Variants in SLC25A51 observed in about 807,000 individuals in gnomAD.
SLC25A51 encodes the protein solute carrier family 25 member 51, also known as mitochondrial nicotinamide adenine dinucleotide transporter SLC25A51.
A neutral mutation model predicts 19.1 loss-of-function variants in SLC25A51; 11 were observed. The ratio of observed to expected loss-of-function variants is 0.58; its 90% CI spans 0.36 to 0.96. The LOEUF (loss-of-function observed/expected upper bound fraction) is 0.96. SLC25A51 is among the 40% of genes least tolerant of loss of function. SLC25A51 has a pLI of 0.01. For synonymous variants in SLC25A51, 105 were observed against 133.6 expected (o/e 0.79, Z 1.47); for missense variants, 201 against 365.4 (o/e 0.55, Z 3.67).
At chr9:37,892,567 A>T (rs185057744) in intron 2 of SLC25A51, among the ~76,000 whole-genome samples, 24 of 151,660 alleles carry the variant, frequency 1.6e-4, no homozygotes, top group East Asian at 9.7e-4. Flanking sequence ...TTATATATAT[A>T]TATTTTTTTC....
intron 2 of SLC25A51, among the ~76,000 whole-genome samples, chr9:37,899,389 T>TC (rs1373696841): frequency 1.3e-5 from 2 of 152,174 alleles, no homozygotes; most frequent in Non-Finnish European, 2.9e-5. Flanking sequence ...ATTTTTTTTT[T>TC]CTTCTTTTAC....
At chr9:37,902,722 A>G (rs999554205) in intron 1 of SLC25A51, among the ~76,000 whole-genome samples, 3 of 152,250 alleles carry the variant, frequency 2.0e-5, no homozygotes, top group African/African-American at 7.2e-5. Context: ...CTATCTCATC[A>G]TAAGGGAGCA....
At chr9:37,878,243 T>C, downstream of SLC25A51, 1 of 173,258 alleles carries the variant, frequency 5.8e-6, no homozygotes. Flanking sequence ...GGAAATGCAG[T>C]CAGAATCACC....
chr9:37,898,078 G>A (rs1831759427), intron 2 of SLC25A51, among the ~76,000 whole-genome samples: 2 of 152,124 alleles, frequency 1.3e-5, no homozygotes, highest in African/African-American at 2.4e-5. Context: ...TTAAGCTCCT[G>A]CCCCCAACTA....
At chr9:37,896,517 C>T (rs2118358169) in intron 2 of SLC25A51, among the ~76,000 whole-genome samples, 1 of 152,202 alleles carries the variant, frequency 6.6e-6, no homozygotes, top group East Asian at 1.9e-4. Context: ...GCTGGGTGGC[C>T]GGGCACAGTG....
rs1466923626 is a variant in SLC25A51 at position 37,887,942 on chromosome 9, G to A, written c.609C>T (p.Thr203=). The A allele has an allele frequency of 7.4e-6, 12 of 1,611,842 alleles. No individual in the cohort carries two copies. Among genetic ancestry groups the A allele is most frequent in the East Asian group, 2.2e-5 (1 of 44,890 alleles). The part of the protein sequence containing the change: ...LRGPIKEHLP[T]ATTHSAHLVN... ...CCAGATGAGCACTGTGAGTCGTTGC[G>A]GTAGGCAGATGCTCCTTAATGGGAC... Residue 203 remains threonine (T), a synonymous_variant, in exon 3 of 3, where the codon ACC becomes ACT. Transcript: ENST00000242275.
chr9:37,895,474 G>T (rs1831697170), intron 2 of SLC25A51, among the ~76,000 whole-genome samples: 1 of 151,112 alleles, frequency 6.6e-6, no homozygotes, highest in South Asian at 2.1e-4. Flanking sequence ...TGCTGGGATT[G>T]TAAGGAGTGA....
downstream of SLC25A51, chr9:37,879,213 G>A (rs1041775130): frequency 1.8e-5 from 5 of 270,442 alleles, no homozygotes; most frequent in East Asian, 1.2e-4. Context: ...TTGTGGCAGT[G>A]GCAGGCAGAA....
At chr9:37,882,211 A>G (rs1401583484) in intron 2 of SLC25A51, among the ~76,000 whole-genome samples, 6 of 152,242 alleles carry the variant, frequency 3.9e-5, no homozygotes, top group Admixed American at 3.3e-4. Flanking sequence ...GAAATATTTT[A>G]ATTTAAAAGA....
chr9:37,893,316 A>AAT (rs1200737582), intron 2 of SLC25A51, among the ~76,000 whole-genome samples: 3 of 152,280 alleles, frequency 2.0e-5, no homozygotes, highest in Non-Finnish European at 4.4e-5. Context: ...TCTATGGCCT[A>AAT]ACGCCTCTTT....
At chr9:37,887,598 A>C, downstream of SLC25A51, 1 of 1,525,110 alleles carries the variant, frequency 6.6e-7, no homozygotes, top group Non-Finnish European at 8.8e-7. Context: ...AAGAGGCCAA[A>C]CTGCATTCTT....
At chr9:37,878,146 T>G (rs543259817), downstream of SLC25A51, 88 of 163,020 alleles carry the variant, frequency 5.4e-4, no homozygotes, top group South Asian at 0.013. Flanking sequence ...GCTAAAAAAC[T>G]ATGTGAGGGT....
intron 2 of SLC25A51, among the ~76,000 whole-genome samples, chr9:37,898,801 G>T (rs895816459): frequency 1.3e-5 from 2 of 152,088 alleles, no homozygotes; most frequent in Admixed American, 6.5e-5. Flanking sequence ...TTTCAAACAT[G>T]GGAAGGAAAT....
intron 2 of SLC25A51, among the ~76,000 whole-genome samples, chr9:37,894,774 C>T (rs975458284): frequency 2.0e-5 from 3 of 152,270 alleles, no homozygotes; most frequent in South Asian, 2.1e-4. Flanking sequence ...CTCCTCCCAC[C>T]CTCCACCCTC....
intron 2 of SLC25A51, among the ~76,000 whole-genome samples, 197 bp downstream of exon 2, chr9:37,899,632 T>C (rs1394294445): frequency 4.6e-5 from 7 of 152,180 alleles, no homozygotes; most frequent in African/African-American, 1.4e-4. Context: ...CCCAAAGTGT[T>C]GGGATTATGG....
downstream of SLC25A51, among the ~76,000 whole-genome samples, chr9:37,883,978 G>C (rs1482057485): frequency 3.3e-5 from 5 of 152,194 alleles, no homozygotes; most frequent in Non-Finnish European, 7.3e-5. Context: ...AGTGCATTTA[G>C]AGGTCAACAG....
chr9:37,883,642 C>T (rs370890948), downstream of SLC25A51, among the ~76,000 whole-genome samples: 14 of 152,348 alleles, frequency 9.2e-5, no homozygotes, highest in East Asian at 2.7e-3. Context: ...TGAGTAGCTG[C>T]ACACACCTGT....
intron 1 of SLC25A51, among the ~76,000 whole-genome samples, chr9:37,903,243 G>A (rs1276515422): frequency 2.0e-5 from 3 of 152,126 alleles, no homozygotes; most frequent in Admixed American, 6.5e-5. Flanking sequence ...AAATGGCAAG[G>A]TCACTATACA....
chr9:37,893,605 C>CTGAAAATTTGTT (rs1831645407), intron 2 of SLC25A51, among the ~76,000 whole-genome samples: 1 of 152,170 alleles, frequency 6.6e-6, no homozygotes, highest in Non-Finnish European at 1.5e-5. Context: ...GAAACCTGCT[C>CTGAAAATTTGTT]TGAAAATTTG....
Sources: allele counts gnomAD v4.1 joint callset (sites outside exome capture counted in the v4.1 genomes callset), GRCh38; gene constraint gnomAD v4.1.1; transcripts MANE v1.5; gene names NCBI Gene and HGNC (gene_info 2026-07-23, HGNC 2026-07-21).